The following MALRD1 variants were observed in gnomAD, a reference collection of about 807,000 sequenced individuals.
The protein encoded by MALRD1 is MAM and LDL-receptor class A domain-containing protein 1.
A neutral mutation model predicts 242.1 loss-of-function variants in MALRD1; 247 were observed. The ratio of observed to expected loss-of-function variants is 1.02; its 90% CI spans 0.92 to 1.13. The LOEUF (loss-of-function observed/expected upper bound fraction) is 1.13. Among genes scored for constraint, MALRD1 ranks in the 50% most tolerant of loss-of-function variants. MALRD1 has a pLI of 0.00. For missense variants in MALRD1, 2,989 were observed against 2,533.1 expected, an observed-to-expected ratio of 1.18 and a Z score of -3.86; for synonymous variants, 995 against 866.6, an observed-to-expected ratio of 1.15 and a Z score of -2.60.
At chr10:19,165,265 A>ATATATATATATATATATAT in intron 12 of MALRD1, among the ~76,000 whole-genome samples, 1 of 130,308 alleles carries the variant, frequency 7.7e-6, no homozygotes, top group Non-Finnish European at 1.6e-5. Context: ...ATATATATAT[A>ATATATATATATATATATAT]TTTTGTTTTG....
At chr10:19,402,349 G>A (rs1180794866) in intron 28 of MALRD1, among the ~76,000 whole-genome samples, 5 of 152,050 alleles carry the variant, frequency 3.3e-5, no homozygotes, top group South Asian at 2.1e-4. Context: ...TGTCAATAAC[G>A]GGGCCAGGTG....
intron 33 of MALRD1, among the ~76,000 whole-genome samples, chr10:19,572,279 C>G (rs540329712): frequency 6.6e-6 from 1 of 152,168 alleles, no homozygotes; most frequent in Non-Finnish European, 1.5e-5. Context: ...TTTCCTTAGC[C>G]ATGTGAGTTT....
chr10:19,265,797 C>G (rs1297735067), intron 19 of MALRD1, among the ~76,000 whole-genome samples: 1 of 151,954 alleles, frequency 6.6e-6, no homozygotes, highest in African/African-American at 2.4e-5. Context: ...TATGATCTAT[C>G]CATTGTTGGA....
Position 19,452,044 on chromosome 10 carries a change from G to C in MALRD1, c.5029+1554G>C, listed in dbSNP as rs569252809. On this transcript the variant is annotated intron_variant, in intron 29 of 39. Coordinates refer to ENST00000454679, the MANE Select transcript of MALRD1 (RefSeq NM_001142308.3). ...AATATGCTTCTTGAACTCTCTCCTA[G>C]TAACTTTCCAAGTAATATGTTGAAA... Among the ~76,000 whole-genome samples, 10 of 152,286 alleles carry C rather than the reference G, an allele frequency of 6.6e-5. No individual in the cohort carries two copies. The East Asian group carries it at 1.9e-3, about 29-fold the overall frequency.
chr10:19,118,105 A>G (rs1836935377), intron 5 of MALRD1, among the ~76,000 whole-genome samples: 1 of 152,220 alleles, frequency 6.6e-6, no homozygotes, highest in Non-Finnish European at 1.5e-5. Context: ...TCTAGAAATG[A>G]GGATGAGATG....
intron 36 of MALRD1, among the ~76,000 whole-genome samples, chr10:19,691,979 A>G (rs992045609): frequency 6.6e-6 from 1 of 152,162 alleles, no homozygotes; most frequent in African/African-American, 2.4e-5. Flanking sequence ...GTAAAGTAAT[A>G]TTGGACACTG....
chr10:19,271,096 G>T (rs1840213684), intron 19 of MALRD1, among the ~76,000 whole-genome samples: 1 of 152,070 alleles, frequency 6.6e-6, no homozygotes, highest in Non-Finnish European at 1.5e-5. Flanking sequence ...AGTTGAAATT[G>T]TACATACCCC....
intron 10 of MALRD1, 149 bp from the exon 11 acceptor site, chr10:19,146,049 T>A (rs1461096959): frequency 7.7e-6 from 4 of 520,454 alleles, no homozygotes; most frequent in Non-Finnish European, 1.2e-5. Context: ...TGTGACTAGA[T>A]AAAGGAAAGC....
At position 19,133,963 on chromosome 10, in the gene MALRD1, A is replaced by T; in HGVS notation, c.1203+15A>T. The T allele has an allele frequency of 8.4e-7, 1 of 1,194,572 alleles. No individual in the cohort carries two copies. The highest frequency in any genetic ancestry group is 1.0e-6 in the Non-Finnish European group (1 of 954,356). The allele number at this position is 1,194,572 out of a possible 1,614,324, so 74.0% of individuals were successfully genotyped here. ...AGACATTTAAGGTATGAAAGAAAAA[A>T]AAAAAGTATTTTTTTATCATGGTTT... is the stretch of plus-strand genomic sequence containing the variant. On this transcript the variant is annotated intron_variant, in intron 9 of 39. Transcript: ENST00000454679.
chr10:19,179,917 T>C (rs2131554472), intron 14 of MALRD1, among the ~76,000 whole-genome samples: 1 of 152,276 alleles, frequency 6.6e-6, no homozygotes, highest in African/African-American at 2.4e-5. Flanking sequence ...ATGCCTCCAT[T>C]CTTTCTGCTT....
chr10:19,321,275 C>T (rs1842907139), intron 21 of MALRD1, among the ~76,000 whole-genome samples: 1 of 152,042 alleles, frequency 6.6e-6, no homozygotes, highest in Non-Finnish European at 1.5e-5. Flanking sequence ...AAAATAAAGT[C>T]TGTTGGGAAT....
chr10:19,148,788 A>AAAAATATATATATAT (rs1206724666), intron 11 of MALRD1, among the ~76,000 whole-genome samples: 1 of 88,016 alleles, frequency 1.1e-5, no homozygotes, highest in Non-Finnish European at 2.5e-5. Context: ...AAAAAAAAAA[A>AAAAATATATATATAT]ATATATATAT....
intron 21 of MALRD1, 54 bp downstream of exon 21, chr10:19,283,235 T>C: frequency 7.4e-7 from 1 of 1,342,316 alleles, no homozygotes. Context: ...ATTAAGCATC[T>C]CCCAAATTTC....
chr10:19,192,582 A>G (rs1836037595), intron 14 of MALRD1, among the ~76,000 whole-genome samples: 1 of 152,066 alleles, frequency 6.6e-6, no homozygotes, highest in South Asian at 2.1e-4. Flanking sequence ...AGCCAGGAAG[A>G]TTTCCCCCCA....
intron 26 of MALRD1, among the ~76,000 whole-genome samples, chr10:19,359,092 A>G (rs921293094): frequency 6.6e-6 from 1 of 152,198 alleles, no homozygotes. Context: ...TATAGTTTTG[A>G]ACGTAGAAAA....
intron 36 of MALRD1, among the ~76,000 whole-genome samples, chr10:19,624,264 C>T (rs2131630972): frequency 6.6e-6 from 1 of 152,158 alleles, no homozygotes; most frequent in South Asian, 2.1e-4. Context: ...ATCCTAAATG[C>T]CCATGGATGA....
chr10:19,461,340 A>C (rs2131096239), intron 29 of MALRD1, among the ~76,000 whole-genome samples: 1 of 152,284 alleles, frequency 6.6e-6, no homozygotes, highest in Non-Finnish European at 1.5e-5. Flanking sequence ...AGAGAAAGAA[A>C]CCAAGTGTGC....
intron 8 of MALRD1, among the ~76,000 whole-genome samples, 182 bp downstream of exon 8, chr10:19,128,569 G>A (rs1416563364): frequency 6.6e-6 from 1 of 152,120 alleles, no homozygotes; most frequent in Non-Finnish European, 1.5e-5. Context: ...ATGTACAAAA[G>A]TTAATGTGAT....
At chr10:19,454,436 A>G (rs1835524300) in intron 29 of MALRD1, among the ~76,000 whole-genome samples, 1 of 141,464 alleles carries the variant, frequency 7.1e-6, no homozygotes, top group Non-Finnish European at 1.5e-5. Context: ...ATATATAATT[A>G]TATGATACAT....
Sources: allele counts gnomAD v4.1 joint callset (sites outside exome capture counted in the v4.1 genomes callset), GRCh38; gene constraint gnomAD v4.1.1; transcripts MANE v1.5; gene names NCBI Gene and HGNC (gene_info 2026-07-23, HGNC 2026-07-21).